The following PPM1B variants were observed in gnomAD, a reference collection of about 807,000 sequenced individuals.
The protein encoded by PPM1B is protein phosphatase, Mg2+/Mn2+ dependent 1B.
In PPM1B, 22 loss-of-function variants were observed where a neutral mutation model predicts 43.0. The ratio of observed to expected loss-of-function variants is 0.51; its 90% CI spans 0.37 to 0.73. The LOEUF (loss-of-function observed/expected upper bound fraction) is 0.73, where lower values mean the gene tolerates loss of function less well. Among genes scored for constraint, PPM1B ranks in the 30% least tolerant of loss-of-function variants. PPM1B has a pLI of 0.00. For synonymous variants in PPM1B, 217 were observed against 197.9 expected, an observed-to-expected ratio of 1.10 and a Z score of -0.81; for missense variants, 632 against 584.2, an observed-to-expected ratio of 1.08 and a Z score of -0.84.
chr2:44,233,270 C>G (rs1355362030), downstream of PPM1B: 1 of 893,714 alleles, frequency 1.1e-6, no homozygotes, highest in East Asian at 1.2e-4. Context: ...ACTATAAATA[C>G]ATTTAAAATT....
At position 44,195,620 on chromosome 2, in the gene PPM1B, T is replaced by G. The variant is rs114220615; in HGVS notation, c.-14-5566T>G. On this transcript the variant is annotated intron_variant, in intron 1 of 5. Transcript: ENST00000282412. ...GGACGCCAGGAGTTCAAGGCTGCAGTGGGCTATGATTGTACCACTGCACTC... is the reference window on the plus strand; with the variant it reads ...GGACGCCAGGAGTTCAAGGCTGCAGGGGGCTATGATTGTACCACTGCACTC... 3.6e-3 allele frequency among the ~76,000 whole-genome samples: 549 copies of G among 152,252 alleles called. 3 individuals carry two copies. The highest frequency in any genetic ancestry group is 0.013 in the African/African-American group (531 of 41,558).
downstream of PPM1B, chr2:44,233,672 A>T (rs182238518): frequency 4.1e-6 from 4 of 985,838 alleles, no homozygotes; most frequent in Admixed American, 6.1e-5. Flanking sequence ...AATGGAATTC[A>T]TGGTATTTTC....
At chr2:44,239,179 C>CAAAAAAAAAA (rs1193340508), downstream of PPM1B, among the ~76,000 whole-genome samples, 2 of 89,636 alleles carry the variant, frequency 2.2e-5, no homozygotes, top group Non-Finnish European at 4.6e-5. Flanking sequence ...GTCTCTAATA[C>CAAAAAAAAAA]AAAAAAAAAA....
chr2:44,230,327 A>G, intron 5 of PPM1B, 86 bp from the exon 6 acceptor site: 1 of 1,539,114 alleles, frequency 6.5e-7, no homozygotes, highest in Non-Finnish European at 8.7e-7. Context: ...CGGTAGAGAA[A>G]TTAGTATTTT....
At chr2:44,173,950 AAAT>A (rs1667467528) in intron 1 of PPM1B, among the ~76,000 whole-genome samples, 1 of 152,234 alleles carries the variant, frequency 6.6e-6, no homozygotes, top group East Asian at 1.9e-4. Flanking sequence ...CTCGAAACAA[AAAT>A]AATAATACTC....
chr2:44,238,493 G>A (rs1176626612), downstream of PPM1B, among the ~76,000 whole-genome samples: 1 of 152,050 alleles, frequency 6.6e-6, no homozygotes, highest in Admixed American at 6.5e-5. Flanking sequence ...CCTGAGGTCA[G>A]GAGTTAGAGA....
intron 2 of PPM1B, among the ~76,000 whole-genome samples, chr2:44,203,831 T>G (rs1269476574): frequency 6.6e-6 from 1 of 152,178 alleles, no homozygotes; most frequent in Non-Finnish European, 1.5e-5. Context: ...GGAAAGAAGT[T>G]TGTGTTAGTA....
intron 5 of PPM1B, among the ~76,000 whole-genome samples, chr2:44,224,034 A>T (rs1670101130): frequency 6.6e-6 from 1 of 152,098 alleles, no homozygotes; most frequent in Non-Finnish European, 1.5e-5. Flanking sequence ...ATTGTATCAC[A>T]TTTTGTCATA....
At position 44,230,475 on chromosome 2, in the gene PPM1B, G is replaced by T. The variant is rs2104275902; in HGVS notation, c.1197G>T (p.Met399Ile). 6.2e-7 allele frequency: 1 copy of T among 1,614,194 alleles called. No homozygotes were observed. Among genetic ancestry groups the T allele is most frequent in the South Asian group, 1.1e-5 (1 of 91,086 alleles). Reference sequence around the variant, plus strand: ...AATTGGTGGAAGCTCTCAGGCAAATGAGAATTAATCATAGGGGAAACTACC... The same window carrying T: ...AATTGGTGGAAGCTCTCAGGCAAATTAGAATTAATCATAGGGGAAACTACC... Reference protein sequence around the residue: ...QGKLVEALRQMRINHRGNYRQ... With the variant: ...QGKLVEALRQIRINHRGNYRQ... Residue 399 changes from methionine to isoleucine, a missense_variant, in exon 6 of 6, where the codon ATG becomes ATT. Physicochemically the swap from Met to Ile is conservative, Grantham distance 10 (BLOSUM62 1). Transcript: ENST00000282412.
At chr2:44,230,106 T>C in intron 5 of PPM1B, 1 of 1,494,794 alleles carries the variant, frequency 6.7e-7, no homozygotes. Context: ...TTTAAGTAAG[T>C]CAGTTTTAGG....
In PPM1B at chr2:44,201,096, T is replaced by G; in HGVS notation, c.-14-90T>G. The G allele has an allele frequency of 6.1e-6, 8 of 1,308,654 alleles. No homozygotes were observed. Among genetic ancestry groups the G allele is most frequent in the Non-Finnish European group, 8.3e-6 (8 of 968,962 alleles). The allele number at this position is 1,308,654 out of a possible 1,614,324, so 81.1% of individuals were successfully genotyped here. ...TTAGGATAATACTAAAAAAAATACT[T>G]GAGGTAGGAGTTACTAGACTATAGA... On this transcript the variant is annotated intron_variant, in intron 1 of 5. Transcript: ENST00000282412. This position sits in a 1 kb window ranked among gnomAD's most constrained non-coding sequence, Gnocchi z 5.4.
At chr2:44,243,475 A>T (rs1213347091) in intron 5 of PPM1B, among the ~76,000 whole-genome samples, 1 of 152,148 alleles carries the variant, frequency 6.6e-6, no homozygotes, top group Non-Finnish European at 1.5e-5. Flanking sequence ...TCCTAAGTAA[A>T]TATTTACATA....
chr2:44,234,987 T>C (rs1252482839), downstream of PPM1B, among the ~76,000 whole-genome samples: 1 of 152,160 alleles, frequency 6.6e-6, no homozygotes, highest in Admixed American at 6.6e-5. Context: ...GGCCCGATGG[T>C]TGAAGTTTAT....
Position 44,218,530 on chromosome 2 carries a change from G to T in PPM1B, c.1127G>T (p.Ser376Ile). 1 of 1,580,788 alleles carries T rather than the reference G, an allele frequency of 6.3e-7. No homozygotes were observed. Among genetic ancestry groups the T allele is most frequent in the Non-Finnish European group, 8.6e-7 (1 of 1,166,104 alleles). ...AGTAGACTGAATCCACATAGAGAAAGTGATGGGGTAAGTTTTATTTTATTT... is the reference window on the plus strand; with the variant it reads ...AGTAGACTGAATCCACATAGAGAAATTGATGGGGTAAGTTTTATTTTATTT... The part of the protein sequence containing the change: ...VYSRLNPHRE[S>I]DGASDEAEES... Residue 376 changes from serine (S) to isoleucine (I), a missense_variant, in exon 5 of 6, where the codon AGT (serine) becomes ATT (isoleucine). By Grantham distance (142) the Ser-to-Ile change is moderately radical. This residue lies in a region of PPM1B where 392 missense variants were observed against 302.7 expected (regional missense o/e 1.29). Transcript: ENST00000282412.
chr2:44,222,538 G>C (rs1670021868), intron 5 of PPM1B, among the ~76,000 whole-genome samples: 1 of 152,108 alleles, frequency 6.6e-6, no homozygotes, highest in South Asian at 2.1e-4. Context: ...TATTTACCCA[G>C]CTCCTACTTG....
At chr2:44,209,745 C>A (rs2104177456) in intron 3 of PPM1B, among the ~76,000 whole-genome samples, 1 of 150,638 alleles carries the variant, frequency 6.6e-6, no homozygotes, top group East Asian at 2.0e-4. Flanking sequence ...CCACTGCACT[C>A]CAGCCTGGGC....
At chr2:44,190,266 T>A (rs953769075) in intron 1 of PPM1B, among the ~76,000 whole-genome samples, 3 of 151,622 alleles carry the variant, frequency 2.0e-5, no homozygotes, top group Non-Finnish European at 1.5e-5. Context: ...GCAAGTCTCC[T>A]GCCTCAGCCT....
chr2:44,226,843 C>T (rs1009795464), intron 5 of PPM1B, among the ~76,000 whole-genome samples: 1 of 141,522 alleles, frequency 7.1e-6, no homozygotes, highest in Non-Finnish European at 1.5e-5. Flanking sequence ...AAAATTTCCT[C>T]TTAAAGACTG....
intron 1 of PPM1B, among the ~76,000 whole-genome samples, chr2:44,188,213 T>G (rs889484803): frequency 6.6e-6 from 1 of 152,158 alleles, no homozygotes; most frequent in Non-Finnish European, 1.5e-5. Context: ...GCAGTTTTTT[T>G]GTACTATGTT....
Sources: allele counts gnomAD v4.1 joint callset (sites outside exome capture counted in the v4.1 genomes callset), GRCh38; gene constraint gnomAD v4.1.1; regional missense constraint gnomAD v4.1.1; non-coding constraint Gnocchi (gnomAD v3.1); transcripts MANE v1.5; gene names NCBI Gene and HGNC (gene_info 2026-07-23, HGNC 2026-07-21).